Variants in TMCC1 observed in about 807,000 individuals in gnomAD.
TMCC1 encodes transmembrane and coiled-coil domain family 1, also known as transmembrane and coiled-coil domains protein 1.
A neutral mutation model predicts 52.4 loss-of-function variants in TMCC1; 15 were observed. That is an observed-to-expected ratio of 0.29 (90% CI 0.19 to 0.44). The LOEUF (loss-of-function observed/expected upper bound fraction) is 0.44, where lower values mean the gene tolerates loss of function less well. Ranked by LOEUF, TMCC1 falls within the 20% of genes least tolerant of loss-of-function variation. The pLI is 1.00. For missense variants in TMCC1, 503 were observed against 806.0 expected (o/e 0.62, Z 4.55); for synonymous variants, 279 against 301.9 (o/e 0.92, Z 0.79).
chr3:129,676,669 C>T lies in TMCC1; in HGVS notation c.577-5405G>A, dbSNP rs571472990. On this transcript the variant is annotated intron_variant, in intron 4 of 6. Transcript: ENST00000393238. Reference sequence around the variant, plus strand: ...TAGCACCCAGCTTTGAGAATAATCACGTGTAAAGGCAATGTGGTGGAAAGG... The same window carrying T: ...TAGCACCCAGCTTTGAGAATAATCATGTGTAAAGGCAATGTGGTGGAAAGG... Among the ~76,000 whole-genome samples, 10 of 152,222 alleles carry T rather than the reference C, an allele frequency of 6.6e-5. No homozygotes were observed. In the South Asian group the frequency reaches 1.0e-3, roughly 16 times the overall value.
chr3:129,655,196 A>C, intron 5 of TMCC1, 93 bp from the exon 6 acceptor site: 1 of 1,449,254 alleles, frequency 6.9e-7, no homozygotes, highest in Non-Finnish European at 9.3e-7. Context: ...CATTCTACAA[A>C]GGAATAGAAG....
At chr3:129,706,380 A>G (rs1449915265) in intron 4 of TMCC1, among the ~76,000 whole-genome samples, 1 of 150,116 alleles carries the variant, frequency 6.7e-6, no homozygotes, top group Non-Finnish European at 1.5e-5. Context: ...TAATTTTTGT[A>G]TTTTTAGTAG....
intron 4 of TMCC1, chr3:129,688,614 A>G (rs979666246): frequency 1.0e-6 from 1 of 985,382 alleles, no homozygotes; most frequent in Admixed American, 6.1e-5. Flanking sequence ...AGCAACTCTT[A>G]GAGCTTTCTA....
intron 4 of TMCC1, among the ~76,000 whole-genome samples, chr3:129,790,520 T>A (rs1371982024): frequency 6.6e-6 from 1 of 152,206 alleles, no homozygotes; most frequent in African/African-American, 2.4e-5. Flanking sequence ...TATAATATTT[T>A]ACTGAGATAA....
chr3:129,729,294 T>C (rs1170305983), intron 4 of TMCC1, among the ~76,000 whole-genome samples: 1 of 152,216 alleles, frequency 6.6e-6, no homozygotes, highest in Non-Finnish European at 1.5e-5. Flanking sequence ...TTTAAATGCA[T>C]TTTCTTAATG....
intron 4 of TMCC1, among the ~76,000 whole-genome samples, chr3:129,810,942 A>C (rs2057772321): frequency 6.6e-6 from 1 of 152,244 alleles, no homozygotes; most frequent in African/African-American, 2.4e-5. Context: ...TGGTGAGCTT[A>C]AGGCAGAAAA....
At position 129,651,445 on chromosome 3, in the gene TMCC1, G is replaced by A. The variant is rs373153174; in HGVS notation, c.*36C>T. ...GTCTAACTCTCTGCTGCATGCACTC[G>A]CCAGAGGGTAGGGAACAATGCCTTC... On this transcript the variant is annotated 3_prime_UTR_variant, in exon 7 of 7. Transcript: ENST00000393238. The surrounding 1 kb of genome is among the most constrained non-coding windows in gnomAD (Gnocchi z 5.1). 1.4e-5 allele frequency: 22 copies of A among 1,589,270 alleles called. No homozygotes were observed. In the African/African-American group the frequency reaches 2.4e-4, roughly 17 times the overall value.
chr3:129,864,216 T>C (rs1263535335), intron 2 of TMCC1, among the ~76,000 whole-genome samples: 2 of 152,206 alleles, frequency 1.3e-5, no homozygotes, highest in Non-Finnish European at 2.9e-5. Flanking sequence ...GAAGTATGGC[T>C]CTTATTTCAG....
At chr3:129,716,639 G>A (rs1165731109) in intron 4 of TMCC1, among the ~76,000 whole-genome samples, 2 of 151,664 alleles carry the variant, frequency 1.3e-5, no homozygotes, top group African/African-American at 4.9e-5. Context: ...ATGAGCCACT[G>A]TGCCTGGCCT....
chr3:129,787,430 C>A (rs1052368562), intron 4 of TMCC1, among the ~76,000 whole-genome samples: 1 of 152,132 alleles, frequency 6.6e-6, no homozygotes, highest in African/African-American at 2.4e-5. Flanking sequence ...TGTGCTACCA[C>A]AAGGGAAGTT....
At chr3:129,699,504 C>G (rs1266631706) in intron 4 of TMCC1, among the ~76,000 whole-genome samples, 1 of 152,176 alleles carries the variant, frequency 6.6e-6, no homozygotes, top group Admixed American at 6.5e-5. Flanking sequence ...CACATATAAT[C>G]AAGAAGTAAC....
intron 4 of TMCC1, among the ~76,000 whole-genome samples, chr3:129,774,996 T>C (rs917755730): frequency 2.0e-5 from 3 of 152,076 alleles, no homozygotes; most frequent in Non-Finnish European, 4.4e-5. Flanking sequence ...GGGGATAATA[T>C]AGAAGGCAAG....
At chr3:129,829,452 C>A (rs1423582290) in intron 3 of TMCC1, among the ~76,000 whole-genome samples, 3 of 71,176 alleles carry the variant, frequency 4.2e-5, no homozygotes, top group African/African-American at 5.1e-5. Flanking sequence ...AAATCACATG[C>A]AAAAAAAAAA....
At chr3:129,877,968 T>A (rs913088318) in intron 2 of TMCC1, among the ~76,000 whole-genome samples, 2 of 149,758 alleles carry the variant, frequency 1.3e-5, no homozygotes, top group Admixed American at 6.7e-5. Flanking sequence ...TATTTTTATT[T>A]TTTTTTTGAG....
chr3:129,801,233 G>T (rs1273386697), intron 4 of TMCC1, among the ~76,000 whole-genome samples: 1 of 151,416 alleles, frequency 6.6e-6, no homozygotes, highest in African/African-American at 2.4e-5. Flanking sequence ...AGCCTAGTTT[G>T]GTTTTTTTAA....
intron 1 of TMCC1, among the ~76,000 whole-genome samples, chr3:129,889,351 T>C (rs1416207203): frequency 6.6e-6 from 1 of 152,114 alleles, no homozygotes; most frequent in East Asian, 1.9e-4. Flanking sequence ...TCTGAGAAAT[T>C]GTCACAACCA....
At chr3:129,798,445 C>T (rs2056984823) in intron 4 of TMCC1, among the ~76,000 whole-genome samples, 1 of 146,292 alleles carries the variant, frequency 6.8e-6, no homozygotes, top group African/African-American at 2.5e-5. Context: ...CAGAAAGACA[C>T]ACTGTCTTAA....
chr3:129,827,546 C>T (rs1344225944), intron 4 of TMCC1, among the ~76,000 whole-genome samples: 1 of 151,960 alleles, frequency 6.6e-6, no homozygotes, highest in Non-Finnish European at 1.5e-5. Flanking sequence ...AGAAAGAATA[C>T]ATGAAATATA....
At chr3:129,770,792 T>C (rs972917126) in intron 4 of TMCC1, among the ~76,000 whole-genome samples, 1 of 152,222 alleles carries the variant, frequency 6.6e-6, no homozygotes. Context: ...AATCTGACTT[T>C]GGATTCAGGG....
Sources: gnomAD v4.1 joint callset for allele counts (sites outside exome capture counted in the v4.1 genomes callset) on GRCh38, gnomAD v4.1.1 for gene constraint, Gnocchi (gnomAD v3.1) non-coding constraint, MANE v1.5 for transcripts, NCBI Gene and HGNC (gene_info 2026-07-23, HGNC 2026-07-21) for gene names.